Variants in RBM28 observed in about 807,000 individuals in gnomAD.
RBM28 encodes the protein RNA-binding protein 28.
Under a neutral mutation model 98.3 loss-of-function variants are expected in RBM28, and 78 were observed. The ratio of observed to expected loss-of-function variants is 0.79; its 90% CI spans 0.66 to 0.96. The LOEUF (loss-of-function observed/expected upper bound fraction) is 0.96, where lower values mean the gene tolerates loss of function less well. Among genes scored for constraint, RBM28 ranks in the 40% least tolerant of loss-of-function variants. The probability of loss-of-function intolerance (pLI) is 0.00; values close to 1 mark genes in which losing one functional copy is unlikely to be tolerated. For missense variants in RBM28, 838 were observed against 913.0 expected (o/e 0.92, Z 1.06); for synonymous variants, 306 against 330.9 (o/e 0.92, Z 0.82).
intron 13 of RBM28, among the ~76,000 whole-genome samples, chr7:128,322,084 C>T (rs1796248817): frequency 6.6e-6 from 1 of 151,592 alleles, no homozygotes; most frequent in South Asian, 2.1e-4. Context: ...AAATGTAGCT[C>T]AGAACAAACA....
chr7:128,321,065 C>CTGAG (rs1268573252), intron 14 of RBM28, among the ~76,000 whole-genome samples: 4 of 152,236 alleles, frequency 2.6e-5, no homozygotes, highest in South Asian at 2.1e-4. Flanking sequence ...ATTCAGGGGG[C>CTGAG]TGAGGCAGGA....
At chr7:128,336,875 A>C (rs961869804) in intron 6 of RBM28, among the ~76,000 whole-genome samples, 24 of 152,006 alleles carry the variant, frequency 1.6e-4, no homozygotes, top group African/African-American at 5.6e-4. Flanking sequence ...CAGCCTCCCA[A>C]GCAGGTGGGA....
Position 128,333,198 on chromosome 7 carries a change from T to C in RBM28, c.1019+92A>G, listed in dbSNP as rs1160692791. On this transcript the variant is annotated intron_variant, in intron 9 of 18. Transcript: ENST00000223073. Reference sequence around the variant, plus strand: ...GATGTGCTTGATCTAATTTCTGGGCTAGGTAACAGAACTAGTGCCAAAAAG... The same window carrying C: ...GATGTGCTTGATCTAATTTCTGGGCCAGGTAACAGAACTAGTGCCAAAAAG... 5.1e-6 allele frequency: 5 copies of C among 974,244 alleles called. No homozygotes were observed. The African/African-American group carries it at 8.0e-5, about 16-fold the overall frequency. The allele number at this position is 974,244 out of a possible 1,614,324, so 60.3% of individuals were successfully genotyped here.
chr7:128,338,833 AACAC>A (rs1419150126), intron 3 of RBM28, 32 bp from the exon 4 acceptor site: 1 of 1,441,114 alleles, frequency 6.9e-7, no homozygotes, highest in African/African-American at 1.4e-5. Context: ...GAAAAAGAGA[AACAC>A]AATCACAGCA....
intron 3 of RBM28, 28 bp downstream of exon 3, chr7:128,339,199 T>C (rs767783830): frequency 6.5e-7 from 1 of 1,545,622 alleles, no homozygotes; most frequent in South Asian, 1.1e-5. Flanking sequence ...CTTCAAAACA[T>C]GCAATGTTCA....
At chr7:128,341,536 T>C (rs895613449) in intron 1 of RBM28, among the ~76,000 whole-genome samples, 3 of 152,208 alleles carry the variant, frequency 2.0e-5, no homozygotes, top group Non-Finnish European at 2.9e-5. Flanking sequence ...TCATTCCACA[T>C]ACCCTCCCTC....
chr7:128,343,651 C>A, intron 1 of RBM28, 25 bp downstream of exon 1: 1 of 1,579,530 alleles, frequency 6.3e-7, no homozygotes, highest in Non-Finnish European at 8.7e-7. Flanking sequence ...AACCCCAGCC[C>A]TATCCTCGAC....
Position 128,335,912 on chromosome 7 carries a change from A to C in RBM28, c.744T>G (p.Asp248Glu). The C allele has an allele frequency of 6.2e-7, 1 of 1,612,324 alleles. No homozygotes were observed. Among genetic ancestry groups the C allele is most frequent in the Non-Finnish European group, 8.5e-7 (1 of 1,178,488 alleles). ...DDDDEEDGVFDDEDEEEENIE... is the reference protein window; with the variant it reads ...DDDDEEDGVFEDEDEEEENIE... ...TATTCTCTTCCTCTTCATCTTCATCATCAAAAACCCCATCTTCTTCATCAT... is the reference window on the plus strand; with the variant it reads ...TATTCTCTTCCTCTTCATCTTCATCCTCAAAAACCCCATCTTCTTCATCAT... The change falls in exon 7 of 19, where the codon GAT (aspartate) becomes GAG (glutamate). Residue 248 changes from aspartate to glutamate, a missense_variant. Physicochemically the swap from Asp to Glu is conservative, Grantham distance 45. Coordinates refer to ENST00000223073, the MANE Select transcript of RBM28 (RefSeq NM_018077.3).
Position 128,317,664 on chromosome 7 carries a change from T to TGC in RBM28, c.1781_1782dup (p.Ser595AlafsTer6), listed in dbSNP as rs1254256513. ...GGACCATTTAATTTCTGTACCAAGC[T>TGC]GCGCTGGATCCTTAATTCCTTCATT... On this transcript the variant is annotated frameshift_variant, in exon 16 of 19. Transcript: ENST00000223073. LOFTEE classifies it high-confidence loss of function. The TGC allele has an allele frequency of 1.3e-6, 2 of 1,597,166 alleles. No individual in the cohort carries two copies. Among genetic ancestry groups the TGC allele is most frequent in the Non-Finnish European group, 1.7e-6 (2 of 1,164,580 alleles).
intron 12 of RBM28, 29 bp from the exon 13 acceptor site, chr7:128,323,620 A>G (rs1796284161): frequency 2.5e-6 from 4 of 1,613,462 alleles, no homozygotes; most frequent in Non-Finnish European, 3.4e-6. Context: ...AGGCCAAGAC[A>G]TCAACAAGGG....
chr7:128,314,025 T>C (rs1298102292), intron 17 of RBM28, among the ~76,000 whole-genome samples: 2 of 152,002 alleles, frequency 1.3e-5, no homozygotes, highest in Non-Finnish European at 2.9e-5. Flanking sequence ...TGCAGTGGCG[T>C]GATCTCGGCT....
At position 128,323,581 on chromosome 7, in the gene RBM28, AGCAC is replaced by A; in HGVS notation, c.1346_1349del (p.Arg449LeufsTer9). On this transcript the variant is annotated frameshift_variant, in exon 13 of 19. Coordinates refer to ENST00000223073, the MANE Select transcript of RBM28 (RefSeq NM_018077.3). LOFTEE classifies it high-confidence loss of function. ...TCACACCCTCTGCAGCCTTCGTCCC[AGCAC>A]GAATCACTGCAGAAAGAGGGAAAAA... The A allele has an allele frequency of 1.2e-6, 2 of 1,614,250 alleles. No homozygotes were observed. Among genetic ancestry groups the A allele is most frequent in the Non-Finnish European group, 1.7e-6 (2 of 1,180,036 alleles).
In RBM28 at chr7:128,298,478, G is replaced by A. The variant is rs1795737594; in HGVS notation, c.*12319C>T. 1 of 152,050 alleles carries A rather than the reference G, an allele frequency of 6.6e-6. No homozygotes were observed. Among genetic ancestry groups the A allele is most frequent in the South Asian group, 2.1e-4 (1 of 4,810 alleles). 9.4% of individuals were successfully genotyped at this position (152,050 alleles called of 1,614,324 possible). ...GAAAGAACCTATGTTGAAATATTGGGGGTGGGTTCCCCCAATACTTCTGTA... is the reference window on the plus strand; with the variant it reads ...GAAAGAACCTATGTTGAAATATTGGAGGTGGGTTCCCCCAATACTTCTGTA... On this transcript the variant is annotated 3_prime_UTR_variant, in exon 19 of 19. Transcript: ENST00000223073.
chr7:128,330,275 T>C (rs1796449590), intron 10 of RBM28, among the ~76,000 whole-genome samples: 1 of 149,220 alleles, frequency 6.7e-6, no homozygotes, highest in African/African-American at 2.5e-5. Flanking sequence ...CTAAAGTAAA[T>C]AAGCAAGGGA....
chr7:128,338,467 C>T, intron 4 of RBM28, 125 bp from the exon 5 acceptor site: 5 of 833,654 alleles, frequency 6.0e-6, no homozygotes, highest in Non-Finnish European at 1.0e-5. Context: ...CAGGCCCTTC[C>T]CCAAAGCAAT....
chr7:128,338,431 A>G (rs1228405972), intron 4 of RBM28, 89 bp from the exon 5 acceptor site: 1 of 1,101,010 alleles, frequency 9.1e-7, no homozygotes, highest in African/African-American at 1.5e-5. Context: ...CAGGCCCACA[A>G]GATGGCCCAA....
chr7:128,317,671 G>T lies in RBM28; in HGVS notation c.1776C>A (p.Ile592=). 1.9e-6 allele frequency: 3 copies of T among 1,603,256 alleles called. No individual in the cohort carries two copies. The highest frequency in any genetic ancestry group is 2.6e-6 in the Non-Finnish European group (3 of 1,170,186). ...RRKLKMKELR[I]QRSLQKMRSK... ...TTAATTTCTGTACCAAGCTGCGCTG[G>T]ATCCTTAATTCCTTCATTTTAAGTT... The change falls in exon 16 of 19, where the codon ATC becomes ATA. Residue 592 remains isoleucine, a synonymous_variant. Coordinates refer to ENST00000223073, the MANE Select transcript of RBM28 (RefSeq NM_018077.3).
At chr7:128,328,757 A>C (rs1027535944) in intron 10 of RBM28, among the ~76,000 whole-genome samples, 2 of 152,210 alleles carry the variant, frequency 1.3e-5, no homozygotes, top group Non-Finnish European at 2.9e-5. Context: ...GAAATGGAAA[A>C]GATCCAAGTA....
chr7:128,322,789 C>T (rs1000155415), intron 13 of RBM28, among the ~76,000 whole-genome samples: 1 of 152,094 alleles, frequency 6.6e-6, no homozygotes, highest in Non-Finnish European at 1.5e-5. Flanking sequence ...TTCACTACCA[C>T]AAAAGTTGAA....
Sources: allele counts gnomAD v4.1 joint callset (sites outside exome capture counted in the v4.1 genomes callset), GRCh38; gene constraint gnomAD v4.1.1; transcripts MANE v1.5; gene names NCBI Gene and HGNC (gene_info 2026-07-23, HGNC 2026-07-21).